PTPRD: variants seen among roughly 807,000 people sequenced by gnomAD.
PTPRD encodes the protein protein tyrosine phosphatase receptor type D.
A neutral mutation model predicts 214.5 loss-of-function variants in PTPRD; 34 were observed. The observed-to-expected ratio is 0.16, with a 90% CI of 0.12 to 0.21. PTPRD has a LOEUF of 0.21. Among genes scored for constraint, PTPRD ranks in the 10% least tolerant of loss-of-function variants. PTPRD has a pLI of 1.00. For synonymous variants in PTPRD, 1,128 were observed against 845.7 expected (o/e 1.33, Z -5.79); for missense variants, 2,545 against 2,398.7 (o/e 1.06, Z -1.27).
Position 10,483,651 on chromosome 9 carries a change from G to T in PTPRD, c.-600+128747C>A, listed in dbSNP as rs570051083. Among the ~76,000 whole-genome samples the T allele has an allele frequency of 4.6e-5, 7 of 151,968 alleles. No individual in the cohort carries two copies. The South Asian group carries it at 1.5e-3, about 32-fold the overall frequency. Reference sequence around the variant, plus strand: ...TTTCTTAATAGAAGATATATAAATGGCCAACAAACATATGAAAAAAAAGCA... The same window carrying T: ...TTTCTTAATAGAAGATATATAAATGTCCAACAAACATATGAAAAAAAAGCA... On this transcript the variant is annotated intron_variant, in intron 2 of 45. Coordinates refer to ENST00000381196, the MANE Select transcript of PTPRD (RefSeq NM_002839.4).
chr9:9,458,452 T>C (rs2093309191), intron 8 of PTPRD, among the ~76,000 whole-genome samples: 1 of 152,128 alleles, frequency 6.6e-6, no homozygotes, highest in Admixed American at 6.6e-5. Flanking sequence ...TTTATTCTTT[T>C]AGGCTAACTT....
chr9:8,748,953 G>C (rs1002929719), intron 11 of PTPRD, among the ~76,000 whole-genome samples: 9 of 151,918 alleles, frequency 5.9e-5, no homozygotes, highest in Non-Finnish European at 1.3e-4. Context: ...ACTTTAGATT[G>C]GTCCATACAC....
At chr9:8,441,902 C>G (rs2132928968) in intron 34 of PTPRD, among the ~76,000 whole-genome samples, 1 of 152,258 alleles carries the variant, frequency 6.6e-6, no homozygotes, top group Non-Finnish European at 1.5e-5. Flanking sequence ...GCCATGCTGT[C>G]TTTCCAACCA....
rs1193415129 is a variant in PTPRD at position 8,948,477 on chromosome 9, ATATT to A, written c.-104+70216_-104+70219del. On this transcript the variant is annotated intron_variant, in intron 11 of 45. Transcript: ENST00000381196. ...TTTATATATATATTTACATATATAT[ATATT>A]TATATATATATTTATATATATATTT... is the stretch of plus-strand genomic sequence containing the variant. Among the ~76,000 whole-genome samples the A allele has an allele frequency of 2.2e-4, 11 of 49,406 alleles. 2 individuals are homozygous for A. The highest frequency in any genetic ancestry group is 7.2e-4 in the South Asian group (1 of 1,384). 32.4% of individuals were successfully genotyped at this position (49,406 alleles called of 152,430 possible).
intron 3 of PTPRD, among the ~76,000 whole-genome samples, chr9:10,302,786 G>A (rs968991454): frequency 6.6e-6 from 1 of 152,180 alleles, no homozygotes; most frequent in Non-Finnish European, 1.5e-5. Context: ...TACCTGCAAA[G>A]AGACTTAGAC....
chr9:9,591,401 G>A (rs952628176), intron 7 of PTPRD, among the ~76,000 whole-genome samples: 7 of 151,956 alleles, frequency 4.6e-5, no homozygotes, highest in South Asian at 2.1e-4. Context: ...GCTTAGAAGC[G>A]GATTCATTCT....
intron 12 of PTPRD, among the ~76,000 whole-genome samples, chr9:8,650,177 C>T (rs1360566422): frequency 2.6e-5 from 4 of 152,044 alleles, no homozygotes; most frequent in African/African-American, 7.2e-5. Context: ...CTCAGTCTCC[C>T]AAAGTGCTGG....
intron 7 of PTPRD, among the ~76,000 whole-genome samples, chr9:9,621,196 C>G (rs372458629): frequency 6.6e-6 from 1 of 152,200 alleles, no homozygotes; most frequent in African/African-American, 2.4e-5. Context: ...AAAGAATCTG[C>G]AGTGCCCTCT....
chr9:9,797,478 C>A (rs2099010433), intron 5 of PTPRD, among the ~76,000 whole-genome samples: 1 of 151,404 alleles, frequency 6.6e-6, no homozygotes, highest in African/African-American at 2.4e-5. Context: ...ATAGATGGAC[C>A]AAAAATCTAG....
At chr9:9,493,099 A>G (rs1427228956) in intron 8 of PTPRD, among the ~76,000 whole-genome samples, 1 of 151,612 alleles carries the variant, frequency 6.6e-6, no homozygotes, top group Non-Finnish European at 1.5e-5. Context: ...AAAGGCCTCT[A>G]AGTGTTCATG....
At chr9:8,781,529 G>C (rs187405540) in intron 11 of PTPRD, among the ~76,000 whole-genome samples, 1 of 152,204 alleles carries the variant, frequency 6.6e-6, no homozygotes, top group East Asian at 1.9e-4. Flanking sequence ...CATTAGTATA[G>C]GAAAACAGGA....
chr9:9,261,890 T>G (rs1017663651), intron 9 of PTPRD, among the ~76,000 whole-genome samples: 4 of 151,764 alleles, frequency 2.6e-5, no homozygotes, highest in African/African-American at 9.7e-5. Context: ...ACTTATTTAA[T>G]TATCATTTCT....
intron 14 of PTPRD, among the ~76,000 whole-genome samples, chr9:8,583,340 C>G (rs2093351659): frequency 6.6e-6 from 1 of 152,088 alleles, no homozygotes; most frequent in Admixed American, 6.5e-5. Context: ...CAACATGTTT[C>G]AACACGGATT....
chr9:9,763,125 T>C (rs2098674732), intron 6 of PTPRD, among the ~76,000 whole-genome samples: 1 of 152,184 alleles, frequency 6.6e-6, no homozygotes, highest in Non-Finnish European at 1.5e-5. Flanking sequence ...TTAACCTTAA[T>C]TACCTCTTCA....
chr9:10,226,623 A>T (rs991195019), intron 3 of PTPRD, among the ~76,000 whole-genome samples: 2 of 152,040 alleles, frequency 1.3e-5, no homozygotes, highest in African/African-American at 2.4e-5. Context: ...ACCAAACCGC[A>T]TTAAATCTCA....
intron 41 of PTPRD, 46 bp from the exon 42 acceptor site, chr9:8,340,515 C>T (rs2132377033): frequency 1.3e-6 from 2 of 1,483,018 alleles, no homozygotes; most frequent in Non-Finnish European, 1.8e-6. Context: ...ATTTAGAGAA[C>T]ATGCAAAAGC....
intron 12 of PTPRD, among the ~76,000 whole-genome samples, chr9:8,675,137 T>C (rs149403551): frequency 2.6e-5 from 4 of 152,016 alleles, no homozygotes; most frequent in East Asian, 1.9e-4. Flanking sequence ...GGAAGCCTCA[T>C]GAGATAATGT....
At chr9:8,938,082 TGAA>T (rs2099009218) in intron 11 of PTPRD, among the ~76,000 whole-genome samples, 1 of 152,108 alleles carries the variant, frequency 6.6e-6, no homozygotes, top group South Asian at 2.1e-4. Flanking sequence ...TTTAATAACA[TGAA>T]GTATTGCAAA....
chr9:8,326,407 C>T (rs1245003447), intron 44 of PTPRD, among the ~76,000 whole-genome samples: 2 of 152,014 alleles, frequency 1.3e-5, no homozygotes, highest in Non-Finnish European at 2.9e-5. Context: ...GCCTTGCATC[C>T]CAGGGATGAA....
Sources: gnomAD v4.1 joint callset for allele counts (sites outside exome capture counted in the v4.1 genomes callset) on GRCh38, gnomAD v4.1.1 for gene constraint, MANE v1.5 for transcripts, NCBI Gene and HGNC (gene_info 2026-07-23, HGNC 2026-07-21) for gene names.